Variants in UBXN2B observed in about 807,000 individuals in gnomAD.
UBXN2B encodes UBX domain-containing protein 2B.
Under a neutral mutation model 37.5 loss-of-function variants are expected in UBXN2B, and 19 were observed. The ratio of observed to expected loss-of-function variants is 0.51; its 90% CI spans 0.35 to 0.74. UBXN2B has a LOEUF of 0.74. UBXN2B is among the 30% of genes least tolerant of loss of function. The pLI, the probability that UBXN2B is intolerant of heterozygous loss-of-function variation, is 0.01. For synonymous variants in UBXN2B, 145 were observed against 143.8 expected (o/e 1.01, Z -0.06); for missense variants, 370 against 393.2 (o/e 0.94, Z 0.50).
intron 6 of UBXN2B, among the ~76,000 whole-genome samples, chr8:58,444,751 A>T (rs1416139814): frequency 2.0e-5 from 3 of 152,210 alleles, no homozygotes; most frequent in Non-Finnish European, 2.9e-5. Flanking sequence ...CATTTATTGT[A>T]AGTCATAATT....
At chr8:58,416,093 C>G (rs566500723) in intron 1 of UBXN2B, among the ~76,000 whole-genome samples, 1 of 149,320 alleles carries the variant, frequency 6.7e-6, no homozygotes, top group Non-Finnish European at 1.5e-5. Context: ...AGATTATGGT[C>G]ATGCCAATTA....
At chr8:58,418,666 G>A (rs575024743) in intron 2 of UBXN2B, among the ~76,000 whole-genome samples, 16 of 152,284 alleles carry the variant, frequency 1.1e-4, no homozygotes, top group African/African-American at 3.9e-4. Context: ...TTTGGTTAAG[G>A]TGCTGACCAC....
In UBXN2B at chr8:58,434,391, A is replaced by G. The variant is rs769257504; in HGVS notation, c.424-4A>G. ...TATATTTTTTTTTTTTCTATACCCAAAAGGTTCAGATTTTGCTTAAACTGT... is the reference window on the plus strand; with the variant it reads ...TATATTTTTTTTTTTTCTATACCCAGAAGGTTCAGATTTTGCTTAAACTGT... On this transcript the variant is annotated splice_polypyrimidine_tract_variant and splice_region_variant and intron_variant, in intron 4 of 7. Coordinates refer to ENST00000399598, the MANE Select transcript of UBXN2B (RefSeq NM_001077619.2). 2.2e-6 allele frequency: 3 copies of G among 1,380,608 alleles called. No homozygotes were observed. The highest frequency in any genetic ancestry group is 2.7e-5 in the East Asian group (1 of 37,596). 85.5% of individuals were successfully genotyped at this position (1,380,608 alleles called of 1,614,324 possible). A position where few individuals can be genotyped will look rare whatever the true frequency, so the allele number is the denominator to read the frequency against.
At chr8:58,443,532 C>T (rs992047210) in intron 6 of UBXN2B, among the ~76,000 whole-genome samples, 2 of 151,872 alleles carry the variant, frequency 1.3e-5, no homozygotes, top group Admixed American at 1.3e-4. Flanking sequence ...GTGGCTCACA[C>T]CTGTAATCCC....
Position 58,446,779 on chromosome 8 carries a change from A to ATTTTTTTTTTTTTTTTTTTTTTTTTTTT in UBXN2B, c.834-601_834-574dup, listed in dbSNP as rs869090698. Among the ~76,000 whole-genome samples, 27 of 17,402 alleles carry ATTTTTTTTTTTTTTTTTTTTTTTTTTTT rather than the reference A, an allele frequency of 1.6e-3. 12 individuals are homozygous for ATTTTTTTTTTTTTTTTTTTTTTTTTTTT. Among genetic ancestry groups the ATTTTTTTTTTTTTTTTTTTTTTTTTTTT allele is most frequent in the Admixed American group, 1.8e-3 (3 of 1,628 alleles). The allele number at this position is 17,402 out of a possible 152,430, so 11.4% of individuals were successfully genotyped here. A position where few individuals can be genotyped will look rare whatever the true frequency, so the allele number is the denominator to read the frequency against. ...ATACTCCGAAAAAAGTACAACCTGC[A>ATTTTTTTTTTTTTTTTTTTTTTTTTTTT]TTTTTTTTTTTTTTTTTTTTTTTTT... On this transcript the variant is annotated intron_variant, in intron 7 of 7. Transcript: ENST00000399598.
rs1807797514 is a variant in UBXN2B at position 58,416,867 on chromosome 8, G to T, written c.102G>T (p.Leu34Phe). Reference protein sequence around the residue: ...ARDLQLALAELYEDEVKCKSS... With the variant: ...ARDLQLALAEFYEDEVKCKSS... The stretch of plus-strand genomic sequence containing the variant: ...TTATGTAGTTGGCCTTGGCAGAATT[G>T]TATGAAGATGAAGTGAAGTGCAAAT... The change falls in exon 2 of 8, where the codon TTG becomes TTT. Residue 34 changes from leucine (L) to phenylalanine (F), a missense_variant. Leu to Phe is a conservative substitution (Grantham distance 22). Around this residue, in one of 3 missense-constraint regions of UBXN2B, gnomAD observed 197 missense variants for 170.2 expected, o/e 1.16. Transcript: ENST00000399598. 2.5e-6 allele frequency: 4 copies of T among 1,612,178 alleles called. No individual in the cohort carries two copies. Among genetic ancestry groups the T allele is most frequent in the Non-Finnish European group, 3.4e-6 (4 of 1,178,812 alleles).
intron 2 of UBXN2B, among the ~76,000 whole-genome samples, chr8:58,419,215 T>G (rs1305376594): frequency 1.3e-5 from 2 of 152,232 alleles, no homozygotes; most frequent in Non-Finnish European, 2.9e-5. Context: ...CGCAATCTTT[T>G]TTTCTACGTA....
chr8:58,411,561 G>C (rs965028441), intron 1 of UBXN2B, 92 bp downstream of exon 1: 10 of 1,058,166 alleles, frequency 9.5e-6, no homozygotes, highest in Non-Finnish European at 1.2e-5. Context: ...CTCTGGCCTC[G>C]GCGGAGCCTT....
intron 3 of UBXN2B, among the ~76,000 whole-genome samples, chr8:58,430,916 A>G (rs72665340): frequency 0.021 from 3,191 of 152,316 alleles, 48 homozygotes; most frequent in Non-Finnish European, 0.03. Context: ...ATTTGCAAAA[A>G]GAATACAGGG....
At chr8:58,425,753 G>T in intron 2 of UBXN2B, 1 of 1,150,668 alleles carries the variant, frequency 8.7e-7, no homozygotes, top group Non-Finnish European at 1.3e-6. Context: ...TGTACCCCAT[G>T]TTTCCATCAT....
At chr8:58,430,220 T>A (rs1808237650) in intron 2 of UBXN2B, among the ~76,000 whole-genome samples, 1 of 152,156 alleles carries the variant, frequency 6.6e-6, no homozygotes, top group African/African-American at 2.4e-5. Context: ...AATTAGTGAA[T>A]GAGATGTATG....
chr8:58,426,404 T>C, intron 2 of UBXN2B: 1 of 546,376 alleles, frequency 1.8e-6, no homozygotes, highest in Non-Finnish European at 3.3e-6. Context: ...GAGACGGGGT[T>C]TCACCATGTT....
chr8:58,435,541 A>G (rs1054163584), intron 5 of UBXN2B, among the ~76,000 whole-genome samples: 6 of 152,188 alleles, frequency 3.9e-5, no homozygotes, highest in African/African-American at 1.4e-4. Context: ...AATCACTGGG[A>G]AGAGCTGCGA....
At chr8:58,425,467 G>A in intron 2 of UBXN2B, 5 of 1,126,396 alleles carry the variant, frequency 4.4e-6, no homozygotes, top group Non-Finnish European at 5.4e-6. Context: ...GATGTCATCT[G>A]AAACAGGCTC....
intron 2 of UBXN2B, chr8:58,425,743 T>C (rs1212079161): frequency 5.2e-6 from 6 of 1,153,642 alleles, no homozygotes; most frequent in Admixed American, 3.4e-5. Context: ...GTTGTAGTAC[T>C]GTACCCCATG....
At chr8:58,430,279 C>T (rs918606718) in intron 2 of UBXN2B, among the ~76,000 whole-genome samples, 3 of 152,138 alleles carry the variant, frequency 2.0e-5, no homozygotes, top group Non-Finnish European at 2.9e-5. Flanking sequence ...AGCCAGTTGC[C>T]GTGCTGGAGG....
chr8:58,443,306 C>T (rs1242607146), intron 6 of UBXN2B, among the ~76,000 whole-genome samples: 1 of 152,166 alleles, frequency 6.6e-6, no homozygotes, highest in African/African-American at 2.4e-5. Context: ...TTTCTCCTGT[C>T]TCTGAGGGAA....
intron 1 of UBXN2B, among the ~76,000 whole-genome samples, chr8:58,412,052 G>C (rs963102368): frequency 1.3e-5 from 2 of 152,198 alleles, no homozygotes; most frequent in Non-Finnish European, 2.9e-5. Context: ...TCGTAATGTT[G>C]TGTAGGACAC....
intron 2 of UBXN2B, among the ~76,000 whole-genome samples, chr8:58,419,784 A>G (rs1428109903): frequency 6.6e-6 from 1 of 152,228 alleles, no homozygotes; most frequent in African/African-American, 2.4e-5. Context: ...AACCAGCAGA[A>G]CTTTAGTAGC....
Sources: gnomAD v4.1 joint callset for allele counts (sites outside exome capture counted in the v4.1 genomes callset) on GRCh38, gnomAD v4.1.1 for gene constraint, gnomAD v4.1.1 regional missense constraint, MANE v1.5 for transcripts, NCBI Gene and HGNC (gene_info 2026-07-23, HGNC 2026-07-21) for gene names.